The following RFX3 variants were observed in gnomAD, a reference collection of about 807,000 sequenced individuals.
The protein encoded by RFX3 is regulatory factor X3.
RFX3 carries 14 observed loss-of-function variants against 98.6 expected under a neutral mutation model. That is an observed-to-expected ratio of 0.14 (90% CI 0.09 to 0.22). RFX3 has a LOEUF of 0.22. Ranked by LOEUF, RFX3 falls within the 10% of genes least tolerant of loss-of-function variation. The pLI is 1.00. For synonymous variants in RFX3, 383 were observed against 328.4 expected, an observed-to-expected ratio of 1.17 and a Z score of -1.80; for missense variants, 639 against 926.9, an observed-to-expected ratio of 0.69 and a Z score of 4.03.
intron 1 of RFX3, among the ~76,000 whole-genome samples, chr9:3,511,585 A>C (rs532515835): frequency 3.3e-4 from 50 of 152,054 alleles, no homozygotes; most frequent in Non-Finnish European, 7.1e-4. Flanking sequence ...TTTGAAGGAA[A>C]TATTCCAGAA....
At chr9:3,403,279 A>T (rs1841649333) in intron 1 of RFX3, among the ~76,000 whole-genome samples, 1 of 152,152 alleles carries the variant, frequency 6.6e-6, no homozygotes, top group Non-Finnish European at 1.5e-5. Flanking sequence ...TGTAAAACAC[A>T]GGGCTTTATC....
chr9:3,362,937 G>A (rs981512388), intron 2 of RFX3, among the ~76,000 whole-genome samples: 2 of 152,142 alleles, frequency 1.3e-5, no homozygotes, highest in Non-Finnish European at 1.5e-5. Flanking sequence ...ATTTCTCAGC[G>A]ACAAAACAGG....
At chr9:3,515,570 T>C (rs920763182) in intron 1 of RFX3, among the ~76,000 whole-genome samples, 4 of 152,142 alleles carry the variant, frequency 2.6e-5, no homozygotes, top group Non-Finnish European at 5.9e-5. Flanking sequence ...TGTCTAACAA[T>C]AGAAACAGGA....
chr9:3,267,998 C>A (rs570656543), intron 11 of RFX3, among the ~76,000 whole-genome samples: 7 of 151,728 alleles, frequency 4.6e-5, no homozygotes, highest in Admixed American at 1.3e-4. Context: ...AAATTTAATG[C>A]AAGGGCAATT....
At chr9:3,268,246 A>G (rs1443865191) in intron 11 of RFX3, among the ~76,000 whole-genome samples, 1 of 151,824 alleles carries the variant, frequency 6.6e-6, no homozygotes, top group East Asian at 1.9e-4. Flanking sequence ...AAAAAAAGAA[A>G]TCCCATCTGG....
chr9:3,226,760 G>A (rs187412241), intron 16 of RFX3, among the ~76,000 whole-genome samples: 1 of 152,272 alleles, frequency 6.6e-6, no homozygotes, highest in Admixed American at 6.5e-5. Context: ...AAACATGTTT[G>A]CATGATATGT....
At chr9:3,312,896 A>C (rs1001913522) in intron 4 of RFX3, among the ~76,000 whole-genome samples, 1 of 152,228 alleles carries the variant, frequency 6.6e-6, no homozygotes, top group African/African-American at 2.4e-5. Context: ...CCCACCGCAG[A>C]TCAAGGAGGC....
At chr9:3,339,376 A>C (rs1252370932) in intron 3 of RFX3, among the ~76,000 whole-genome samples, 1 of 151,850 alleles carries the variant, frequency 6.6e-6, no homozygotes, top group Admixed American at 6.5e-5. Context: ...ACCGATAAAA[A>C]TTTATAAACA....
intron 1 of RFX3, 92 bp downstream of exon 1, chr9:3,525,655 G>T (rs1323830691): frequency 1.3e-5 from 2 of 156,032 alleles, no homozygotes; most frequent in Non-Finnish European, 2.8e-5. Context: ...GCCACACTCG[G>T]CTCGCACACA....
intron 1 of RFX3, among the ~76,000 whole-genome samples, chr9:3,497,129 G>A (rs1256148921): frequency 2.6e-5 from 4 of 152,068 alleles, no homozygotes; most frequent in East Asian, 1.9e-4. Context: ...GCCATACCTC[G>A]TGATGTGAAA....
chr9:3,439,415 T>C (rs561117201), intron 1 of RFX3, among the ~76,000 whole-genome samples: 2 of 151,856 alleles, frequency 1.3e-5, no homozygotes, highest in Non-Finnish European at 2.9e-5. Context: ...CTGATAAACC[T>C]CTAGACAGAC....
intron 1 of RFX3, among the ~76,000 whole-genome samples, chr9:3,419,228 C>G (rs1037670898): frequency 6.6e-6 from 1 of 151,948 alleles, no homozygotes; most frequent in African/African-American, 2.4e-5. Context: ...GCATACATTA[C>G]CAAAAGCACA....
At chr9:3,295,219 T>C (rs1356400994) in intron 5 of RFX3, among the ~76,000 whole-genome samples, 1 of 152,034 alleles carries the variant, frequency 6.6e-6, no homozygotes, top group Non-Finnish European at 1.5e-5. Flanking sequence ...TAGTGTTTTT[T>C]TTTTAAGACT....
rs147144926 is a variant in RFX3, at chr9:3,394,882, C to T, written c.117+590G>A. 1.5e-4 allele frequency: 148 copies of T among 976,618 alleles called. No individual in the cohort carries two copies. The East Asian group carries it at 7.7e-3, about 51-fold the overall frequency. The allele number at this position is 976,618 out of a possible 1,614,324, so 60.5% of individuals were successfully genotyped here. ...CTTTCCAAACAAGCCAACTGCCCTG[C>T]GTATGAATAAGACCTGTAGTAAATA... On this transcript the variant is annotated intron_variant, in intron 2 of 16. Transcript: ENST00000617270.
chr9:3,220,130 G>A lies in RFX3; in HGVS notation c.*4912C>T, dbSNP rs1219678667. ...TATCTATATATAATTTTTTGACAAC[G>A]TATTAAAGTTTTGGAGCATAGATAA... On this transcript the variant is annotated 3_prime_UTR_variant, in exon 17 of 17. Transcript: ENST00000617270. The A allele has an allele frequency of 2.0e-5, 3 of 152,056 alleles. No individual in the cohort carries two copies. Among genetic ancestry groups the A allele is most frequent in the Non-Finnish European group, 4.4e-5 (3 of 68,016 alleles). 9.4% of individuals were successfully genotyped at this position (152,056 alleles called of 1,614,324 possible).
intron 15 of RFX3, among the ~76,000 whole-genome samples, chr9:3,243,733 A>T (rs1445726403): frequency 4.6e-5 from 7 of 152,184 alleles, no homozygotes; most frequent in Non-Finnish European, 1.0e-4. Flanking sequence ...AAACTATTTA[A>T]CTGACACCTT....
In RFX3 at chr9:3,270,131, G is replaced by A. The variant is rs10971044; in HGVS notation, c.1357+240C>T. ...GAAAGAAAGAAAGAAAGAAAGGAAA[G>A]AAAGAAAGAAAAGGAGAAAGAAAGA... On this transcript the variant is annotated intron_variant, in intron 11 of 16. Coordinates refer to ENST00000617270, the MANE Select transcript of RFX3 (RefSeq NM_001282116.2). 9.0e-3 allele frequency among the ~76,000 whole-genome samples: 1,202 copies of A among 134,262 alleles called. 18 individuals are homozygous for A. Among genetic ancestry groups the A allele is most frequent in the South Asian group, 0.045 (184 of 4,128 alleles). The allele number at this position is 134,262 out of a possible 152,430, so 88.1% of individuals were successfully genotyped here. A position where few individuals can be genotyped will look rare whatever the true frequency, so the allele number is the denominator to read the frequency against.
chr9:3,492,966 A>G lies in RFX3; in HGVS notation c.-9+32781T>C, dbSNP rs553541196. Among the ~76,000 whole-genome samples the G allele has an allele frequency of 3.1e-3, 469 of 152,194 alleles. 1 individual carries two copies. The highest frequency in any genetic ancestry group is 5.1e-3 in the Non-Finnish European group (344 of 68,000). ...GGGTGGGCCTGATTCCCCACATCCT[A>G]TTTACAAGGATGGTTGCCCAGCCTG... On this transcript the variant is annotated intron_variant, in intron 1 of 16. Transcript: ENST00000617270.
chr9:3,420,544 A>T (rs1843356614), intron 1 of RFX3, among the ~76,000 whole-genome samples: 2 of 152,150 alleles, frequency 1.3e-5, no homozygotes, highest in African/African-American at 2.4e-5. Flanking sequence ...GAAACTGAAA[A>T]AGGTTAAGAG....
Sources: gnomAD v4.1 joint callset for allele counts (sites outside exome capture counted in the v4.1 genomes callset) on GRCh38, gnomAD v4.1.1 for gene constraint, MANE v1.5 for transcripts, NCBI Gene and HGNC (gene_info 2026-07-23, HGNC 2026-07-21) for gene names.